The following PARD3B variants were observed in gnomAD, a reference collection of about 807,000 sequenced individuals.
The protein encoded by PARD3B is par-3 family cell polarity regulator beta, also known as partitioning defective 3 homolog B.
PARD3B carries 103 observed loss-of-function variants against 130.2 expected under a neutral mutation model. The ratio of observed to expected loss-of-function variants is 0.79; its 90% confidence interval spans 0.67 to 0.93. PARD3B has a LOEUF of 0.93. PARD3B is among the 40% of genes least tolerant of loss of function. The probability of loss-of-function intolerance (pLI) is 0.00; values close to 1 mark genes in which losing one functional copy is unlikely to be tolerated. For synonymous variants in PARD3B, 583 were observed against 553.2 expected (o/e 1.05, Z -0.76); for missense variants, 1,609 against 1,499.2 (o/e 1.07, Z -1.21).
intron 1 of PARD3B, among the ~76,000 whole-genome samples, chr2:204,561,761 A>G (rs1396589810): frequency 6.6e-6 from 1 of 151,898 alleles, no homozygotes; most frequent in Non-Finnish European, 1.5e-5. Context: ...ACGCCCGGCT[A>G]ACTTTTTGTA....
chr2:204,891,189 T>C (rs2046432262), intron 2 of PARD3B, among the ~76,000 whole-genome samples: 1 of 148,522 alleles, frequency 6.7e-6, no homozygotes, highest in African/African-American at 2.5e-5. Flanking sequence ...TCCTTTTCTT[T>C]TTTTTTTTTT....
intron 2 of PARD3B, among the ~76,000 whole-genome samples, chr2:204,701,395 T>C (rs958535882): frequency 4.6e-5 from 7 of 152,294 alleles, no homozygotes; most frequent in Non-Finnish European, 7.4e-5. Context: ...ATGGGACTTA[T>C]TGGGCTGGTT....
intron 2 of PARD3B, among the ~76,000 whole-genome samples, chr2:204,820,601 G>A (rs1372469017): frequency 6.6e-6 from 1 of 151,886 alleles, no homozygotes; most frequent in African/African-American, 2.4e-5. Context: ...GATCACTTGA[G>A]GTCAGGAGTT....
At chr2:205,333,214 G>A (rs2043197693) in intron 18 of PARD3B, among the ~76,000 whole-genome samples, 1 of 152,106 alleles carries the variant, frequency 6.6e-6, no homozygotes, top group Admixed American at 6.5e-5. Context: ...TACGTACATT[G>A]TCTAATAGGG....
At chr2:205,159,730 G>A (rs72932470) in intron 11 of PARD3B, among the ~76,000 whole-genome samples, 20 of 152,254 alleles carry the variant, frequency 1.3e-4, no homozygotes, top group Middle Eastern at 6.8e-3. Context: ...ATCTCACACC[G>A]TGCAAGGAGA....
chr2:204,885,934 A>G (rs770972510), intron 2 of PARD3B, among the ~76,000 whole-genome samples: 5 of 152,168 alleles, frequency 3.3e-5, no homozygotes, highest in Admixed American at 2.0e-4. Context: ...TTCTCAGCAC[A>G]ATGGTCACCA....
chr2:204,669,985 ATT>A lies in PARD3B; in HGVS notation c.121-16194_121-16193del, dbSNP rs1349454530. Among the ~76,000 whole-genome samples the A allele has an allele frequency of 2.6e-5, 4 of 152,182 alleles. No individual in the cohort carries two copies. The highest frequency in any genetic ancestry group is 5.9e-5 in the Non-Finnish European group (4 of 68,014). On this transcript the variant is annotated intron_variant, in intron 1 of 22. Transcript: ENST00000406610. The surrounding 1 kb of genome is among the most constrained non-coding windows in gnomAD (Gnocchi z 4.3). Reference sequence around the variant, plus strand: ...TAAATTCACTAAGTTCCCATGAATGATTTCAGAAAGTCAAAAGATGATTCTGA... The same window carrying A: ...TAAATTCACTAAGTTCCCATGAATGATCAGAAAGTCAAAAGATGATTCTGA...
intron 2 of PARD3B, among the ~76,000 whole-genome samples, chr2:204,759,526 T>C (rs965930573): frequency 2.6e-5 from 4 of 152,268 alleles, no homozygotes; most frequent in African/African-American, 9.6e-5. Flanking sequence ...TTTTGTCATA[T>C]CAGTGGTTTT....
chr2:204,722,460 C>T (rs116519104), intron 2 of PARD3B, among the ~76,000 whole-genome samples: 1,848 of 152,270 alleles, frequency 0.012, 43 homozygotes, highest in African/African-American at 0.042. Flanking sequence ...TAAATTAAAA[C>T]CAGGACCCTG....
rs373697022 is a variant in PARD3B at position 205,503,781 on chromosome 2, C to T, written c.3180+3750C>T. ...ACCTTGGGCAGTATGGCCATTTTCA[C>T]GATATTGATTCTTCCTACCCATGAG... On this transcript the variant is annotated intron_variant, in intron 21 of 22. Transcript: ENST00000406610. Among the ~76,000 whole-genome samples, 20 of 151,884 alleles carry T rather than the reference C, an allele frequency of 1.3e-4. No individual in the cohort carries two copies. The East Asian group carries it at 1.5e-3, about 12-fold the overall frequency.
At position 205,288,710 on chromosome 2, in the gene PARD3B, C is replaced by A. The variant is rs1370543996; in HGVS notation, c.2186-11820C>A. ...CCCGGTGTCCCCACCCCCCAGGAGA[C>A]GTGTTTGGACTTTTCCTCATGCCTT... On this transcript the variant is annotated intron_variant, in intron 16 of 22. Coordinates refer to ENST00000406610, the MANE Select transcript of PARD3B (RefSeq NM_001302769.2). The surrounding 1 kb of genome is among the most constrained non-coding windows in gnomAD (Gnocchi z 4.0). Among the ~76,000 whole-genome samples the A allele has an allele frequency of 6.6e-6, 1 of 152,160 alleles. No homozygotes were observed.
intron 21 of PARD3B, among the ~76,000 whole-genome samples, chr2:205,509,234 T>C (rs2050496863): frequency 6.6e-6 from 1 of 152,030 alleles, no homozygotes; most frequent in African/African-American, 2.4e-5. Flanking sequence ...GGAAAAAATA[T>C]ATATATATTG....
At chr2:204,570,740 GAGCTGTTGTAACTGAGGTGTATA>G (rs2031947379) in intron 1 of PARD3B, among the ~76,000 whole-genome samples, 1 of 146,642 alleles carries the variant, frequency 6.8e-6, no homozygotes, top group East Asian at 2.0e-4. Context: ...TGAGGTGTAT[GAGCTGTTGTAACTGAGGTGTATA>G]AGCTGTTGTA....
chr2:205,561,151 C>G (rs901083465), intron 22 of PARD3B, among the ~76,000 whole-genome samples: 1 of 152,136 alleles, frequency 6.6e-6, no homozygotes, highest in Non-Finnish European at 1.5e-5. Flanking sequence ...TCATTTACCT[C>G]ACTTCTTAAA....
intron 2 of PARD3B, among the ~76,000 whole-genome samples, chr2:204,828,151 C>A (rs1184546808): frequency 1.3e-5 from 2 of 152,182 alleles, no homozygotes; most frequent in African/African-American, 4.8e-5. Context: ...GTATTGGGAG[C>A]CATGCCTTAT....
At position 205,269,346 on chromosome 2, in the gene PARD3B, G is replaced by A. The variant is rs2040629431; in HGVS notation, c.2185+23524G>A. On this transcript the variant is annotated intron_variant, in intron 16 of 22. Transcript: ENST00000406610. The surrounding 1 kb of genome is among the most constrained non-coding windows in gnomAD (Gnocchi z 4.7). ...TAATTAAATAGACTTATTTCAAACT[G>A]TTTCCCAATTTCAATTTATTCATCC... 6.6e-6 allele frequency among the ~76,000 whole-genome samples: 1 copy of A among 152,002 alleles called. No homozygotes were observed. Among genetic ancestry groups the A allele is most frequent in the African/African-American group, 2.4e-5 (1 of 41,384 alleles).
intron 1 of PARD3B, among the ~76,000 whole-genome samples, chr2:204,553,611 T>TGTATATATAA (rs1402329047): frequency 7.4e-6 from 1 of 134,236 alleles, no homozygotes; most frequent in African/African-American, 2.9e-5. Flanking sequence ...TGTATATATA[T>TGTATATATAA]GGCTATATAC....
chr2:204,950,742 A>G (rs183773880), intron 2 of PARD3B, among the ~76,000 whole-genome samples: 127 of 152,368 alleles, frequency 8.3e-4, no homozygotes, highest in Non-Finnish European at 6.6e-4. Flanking sequence ...CAGTCAAGAA[A>G]TATGAACTAG....
At chr2:204,679,675 T>G (rs567491395) in intron 1 of PARD3B, among the ~76,000 whole-genome samples, 40 of 152,026 alleles carry the variant, frequency 2.6e-4, no homozygotes, top group African/African-American at 9.2e-4. Flanking sequence ...TTTTTTTTAA[T>G]TTTTTTTAAT....
Sources: allele counts gnomAD v4.1 joint callset (sites outside exome capture counted in the v4.1 genomes callset), GRCh38; gene constraint gnomAD v4.1.1; non-coding constraint Gnocchi (gnomAD v3.1); transcripts MANE v1.5; gene names NCBI Gene and HGNC (gene_info 2026-07-23, HGNC 2026-07-21).